Variants in CLSTN2 observed in about 807,000 individuals in gnomAD.
CLSTN2 encodes the protein calsyntenin 2.
In CLSTN2, 48 loss-of-function variants were observed where a neutral mutation model predicts 101.2. The observed-to-expected ratio is 0.47, with a 90% CI of 0.38 to 0.60. The LOEUF (loss-of-function observed/expected upper bound fraction) is 0.60. CLSTN2 is among the 20% of genes least tolerant of loss of function. CLSTN2 has a pLI of 0.00. For synonymous variants in CLSTN2, 481 were observed against 463.6 expected, an observed-to-expected ratio of 1.04 and a Z score of -0.48; for missense variants, 1,160 against 1,238.2, an observed-to-expected ratio of 0.94 and a Z score of 0.95.
intron 4 of CLSTN2, among the ~76,000 whole-genome samples, chr3:140,408,211 CA>C (rs1186281013): frequency 1.4e-4 from 21 of 152,176 alleles, no homozygotes; most frequent in Admixed American, 1.4e-3. Flanking sequence ...CTCCTTAGCT[CA>C]AAAGTTACCC....
At chr3:140,396,556 T>A (rs976350211) in intron 2 of CLSTN2, among the ~76,000 whole-genome samples, 2 of 152,232 alleles carry the variant, frequency 1.3e-5, no homozygotes, top group African/African-American at 2.4e-5. Flanking sequence ...AGTTAACTAC[T>A]ATTAATACCA....
At chr3:139,945,228 T>G (rs547177263) in intron 1 of CLSTN2, among the ~76,000 whole-genome samples, 1 of 152,334 alleles carries the variant, frequency 6.6e-6, no homozygotes, top group Non-Finnish European at 1.5e-5. Context: ...CTCGGACTCA[T>G]GTGACCTAGA....
intron 1 of CLSTN2, among the ~76,000 whole-genome samples, chr3:139,959,309 A>G (rs1432556920): frequency 6.6e-6 from 1 of 151,992 alleles, no homozygotes; most frequent in East Asian, 1.9e-4. Context: ...TTAGCTTCCC[A>G]TTCTCCATCA....
At chr3:140,137,824 G>A (rs1488787209) in intron 1 of CLSTN2, among the ~76,000 whole-genome samples, 1 of 152,184 alleles carries the variant, frequency 6.6e-6, no homozygotes, top group East Asian at 1.9e-4. Flanking sequence ...AGATGAGGAA[G>A]ACATGTCAGA....
chr3:140,164,029 G>T (rs1279641579), intron 1 of CLSTN2, among the ~76,000 whole-genome samples: 3 of 152,116 alleles, frequency 2.0e-5, no homozygotes, highest in African/African-American at 7.2e-5. Context: ...CAATCTTGGA[G>T]AATTAGAGAT....
chr3:140,480,654 G>A (rs1395017790), intron 8 of CLSTN2, among the ~76,000 whole-genome samples: 1 of 152,188 alleles, frequency 6.6e-6, no homozygotes, highest in African/African-American at 2.4e-5. Flanking sequence ...GGTGTGAGAT[G>A]GTATCTCACT....
At chr3:140,350,042 T>C (rs1319728623) in intron 2 of CLSTN2, among the ~76,000 whole-genome samples, 1 of 152,222 alleles carries the variant, frequency 6.6e-6, no homozygotes, top group Non-Finnish European at 1.5e-5. Context: ...AGTCAGGAGT[T>C]AGACAAAGGC....
At chr3:140,280,643 TG>T (rs2086836868) in intron 2 of CLSTN2, among the ~76,000 whole-genome samples, 1 of 152,194 alleles carries the variant, frequency 6.6e-6, no homozygotes, top group Non-Finnish European at 1.5e-5. Context: ...GTTGCTTGGC[TG>T]TAGAACTAGA....
intron 5 of CLSTN2, among the ~76,000 whole-genome samples, chr3:140,437,460 T>C (rs1224795006): frequency 6.6e-6 from 1 of 152,214 alleles, no homozygotes; most frequent in African/African-American, 2.4e-5. Context: ...AATATTATAA[T>C]AACAGTATGT....
At chr3:140,248,949 G>A (rs1299274847) in intron 2 of CLSTN2, among the ~76,000 whole-genome samples, 1 of 152,112 alleles carries the variant, frequency 6.6e-6, no homozygotes, top group East Asian at 1.9e-4. Context: ...AATGATTTCT[G>A]GGGGATCTCT....
At chr3:139,956,477 G>A (rs973771384) in intron 1 of CLSTN2, among the ~76,000 whole-genome samples, 1 of 152,128 alleles carries the variant, frequency 6.6e-6, no homozygotes, top group African/African-American at 2.4e-5. Context: ...GAACAGAGAA[G>A]GCGTTGTTGC....
chr3:140,369,801 A>G (rs1303775653), intron 2 of CLSTN2, among the ~76,000 whole-genome samples: 1 of 152,164 alleles, frequency 6.6e-6, no homozygotes, highest in African/African-American at 2.4e-5. Flanking sequence ...CTAATTGCAG[A>G]CTGTGGAGAA....
chr3:140,564,299 C>A (rs1421924568), intron 16 of CLSTN2, among the ~76,000 whole-genome samples, 154 bp downstream of exon 16: 1 of 152,162 alleles, frequency 6.6e-6, no homozygotes, highest in Non-Finnish European at 1.5e-5. Flanking sequence ...TCTCTGAGCT[C>A]CTCTAGCCCT....
At chr3:140,136,352 C>T (rs2009615468) in intron 1 of CLSTN2, among the ~76,000 whole-genome samples, 1 of 152,194 alleles carries the variant, frequency 6.6e-6, no homozygotes. Context: ...CTTAAGCTTT[C>T]TGAACTTTAA....
At chr3:140,504,378 G>A (rs550823958) in intron 8 of CLSTN2, among the ~76,000 whole-genome samples, 54 of 152,032 alleles carry the variant, frequency 3.6e-4, no homozygotes, top group Non-Finnish European at 7.1e-4. Context: ...AAAAAAAAAG[G>A]TGGTGCTCCA....
At chr3:140,133,948 C>T (rs1258702882) in intron 1 of CLSTN2, among the ~76,000 whole-genome samples, 1 of 152,140 alleles carries the variant, frequency 6.6e-6, no homozygotes, top group Non-Finnish European at 1.5e-5. Context: ...AGAGTAGTAA[C>T]TGTCTTCCTT....
chr3:140,322,533 G>T (rs531638088), intron 2 of CLSTN2, among the ~76,000 whole-genome samples: 1 of 152,192 alleles, frequency 6.6e-6, no homozygotes, highest in East Asian at 1.9e-4. Flanking sequence ...AGGATAAGTG[G>T]TCAGGGAAAT....
chr3:140,462,153 T>A (rs1576581269), intron 7 of CLSTN2, among the ~76,000 whole-genome samples: 1 of 152,214 alleles, frequency 6.6e-6, no homozygotes, highest in East Asian at 1.9e-4. Context: ...TTTTTGCTTC[T>A]GTGTATATGT....
chr3:140,039,350 T>C (rs539833629), intron 1 of CLSTN2, among the ~76,000 whole-genome samples: 1 of 152,332 alleles, frequency 6.6e-6, no homozygotes, highest in East Asian at 1.9e-4. Flanking sequence ...GCAATCACTT[T>C]AGTAGCAGTG....
Sources: allele counts gnomAD v4.1 joint callset (sites outside exome capture counted in the v4.1 genomes callset), GRCh38; gene constraint gnomAD v4.1.1; transcripts MANE v1.5; gene names NCBI Gene and HGNC (gene_info 2026-07-23, HGNC 2026-07-21).